Variants in AGO3 observed in about 807,000 individuals in gnomAD.
The protein encoded by AGO3 is protein argonaute-3.
AGO3 carries 16 observed loss-of-function variants against 105.5 expected under a neutral mutation model. That is an observed-to-expected ratio of 0.15 (90% CI 0.10 to 0.23). The LOEUF is 0.23. AGO3 is among the 10% of genes least tolerant of loss of function. The pLI is 1.00. For missense variants in AGO3, 534 were observed against 1,088.0 expected (o/e 0.49, Z 7.16); for synonymous variants, 340 against 367.3 (o/e 0.93, Z 0.85).
intron 5 of AGO3, among the ~76,000 whole-genome samples, chr1:35,976,690 G>C (rs1462934102): frequency 6.6e-6 from 1 of 152,138 alleles, no homozygotes; most frequent in Non-Finnish European, 1.5e-5. Context: ...CTATGGAGCT[G>C]ATGATGTGAT....
At chr1:36,013,555 AAG>A in intron 9 of AGO3, 73 bp from the exon 10 acceptor site, 1 of 1,563,312 alleles carries the variant, frequency 6.4e-7, no homozygotes, top group South Asian at 1.2e-5. Flanking sequence ...GAAGAAAAAA[AAG>A]AGGGTTCTAA....
chr1:35,940,587 G>GT (rs1646236104), intron 1 of AGO3, among the ~76,000 whole-genome samples: 1 of 152,040 alleles, frequency 6.6e-6, no homozygotes, highest in Non-Finnish European at 1.5e-5. Flanking sequence ...TAAACTGCTA[G>GT]TGGATCCAAG....
chr1:36,061,003 A>G lies in AGO3; in HGVS notation c.*5258A>G, dbSNP rs1329050010. The G allele has an allele frequency of 2.6e-5, 4 of 152,196 alleles. No homozygotes were observed. Among genetic ancestry groups the G allele is most frequent in the Non-Finnish European group, 5.9e-5 (4 of 68,036 alleles). 9.4% of individuals were successfully genotyped at this position (152,196 alleles called of 1,614,324 possible). A position where few individuals can be genotyped will look rare whatever the true frequency, so the allele number is the denominator to read the frequency against. ...CACTTTTGTGATTCTATAGGAGTCA[A>G]AAAATCAGCCAAGAGTAGGTAAGTC... On this transcript the variant is annotated 3_prime_UTR_variant, in exon 19 of 19. Coordinates refer to ENST00000373191, the MANE Select transcript of AGO3 (RefSeq NM_024852.4).
chr1:36,032,269 A>C (rs1293680832), intron 12 of AGO3, among the ~76,000 whole-genome samples: 1 of 152,152 alleles, frequency 6.6e-6, no homozygotes, highest in Non-Finnish European at 1.5e-5. Context: ...GTGAAGTGGT[A>C]TCTCATAATG....
At chr1:35,987,510 A>G (rs185474074) in intron 5 of AGO3, among the ~76,000 whole-genome samples, 194 of 152,074 alleles carry the variant, frequency 1.3e-3, no homozygotes, top group African/African-American at 4.2e-3. Context: ...AAGCAAAAGG[A>G]TATGTTATTA....
chr1:36,028,397 C>T (rs776204354), intron 12 of AGO3, among the ~76,000 whole-genome samples: 5 of 106,360 alleles, frequency 4.7e-5, no homozygotes, highest in Non-Finnish European at 9.3e-5. Flanking sequence ...TCCCTCCCCC[C>T]CCCCCACCCC....
At chr1:36,014,197 C>T (rs1640764383) in intron 11 of AGO3, 149 bp downstream of exon 11, 23 of 1,076,122 alleles carry the variant, frequency 2.1e-5, no homozygotes, top group Non-Finnish European at 3.0e-5. Flanking sequence ...CTCACTCTGT[C>T]ACCCAGGCTG....
intron 11 of AGO3, among the ~76,000 whole-genome samples, chr1:36,023,478 C>T: frequency 6.6e-6 from 1 of 152,198 alleles, no homozygotes; most frequent in East Asian, 1.9e-4. Context: ...GAGACTCTGG[C>T]ACTACCACAT....
intron 11 of AGO3, among the ~76,000 whole-genome samples, chr1:36,015,820 A>G (rs1329632169): frequency 6.6e-6 from 1 of 152,176 alleles, no homozygotes; most frequent in Non-Finnish European, 1.5e-5. Flanking sequence ...TTATTCTTCA[A>G]TGTTCACCTT....
intron 1 of AGO3, among the ~76,000 whole-genome samples, chr1:35,934,912 A>G (rs1646121901): frequency 6.6e-6 from 1 of 152,210 alleles, no homozygotes; most frequent in South Asian, 2.1e-4. Context: ...TCGGCCTCCC[A>G]GAAAACAATC....
chr1:35,965,084 G>A (rs1286795270), intron 2 of AGO3, among the ~76,000 whole-genome samples: 2 of 151,424 alleles, frequency 1.3e-5, no homozygotes, highest in Non-Finnish European at 2.9e-5. Context: ...ATTTGATTGG[G>A]TTTCCCAGAA....
intron 5 of AGO3, among the ~76,000 whole-genome samples, chr1:36,002,381 G>A (rs1401559225): frequency 6.9e-6 from 1 of 145,672 alleles, no homozygotes; most frequent in Non-Finnish European, 1.5e-5. Flanking sequence ...CCAGGGTGGA[G>A]TGCAGTGGCG....
intron 12 of AGO3, among the ~76,000 whole-genome samples, chr1:36,028,714 A>G (rs1417708731): frequency 6.6e-6 from 1 of 151,874 alleles, no homozygotes; most frequent in African/African-American, 2.4e-5. Flanking sequence ...ATACGTGTGC[A>G]TGTGTCTTTA....
chr1:36,027,059 T>A lies in AGO3; in HGVS notation c.1407-55T>A, dbSNP rs1557696436. ...CCTTCCCAAACTTCCCATTACTACT[T>A]TGTAGGAATTCATGACTAGACAAAG... On this transcript the variant is annotated intron_variant, in intron 11 of 18. Transcript: ENST00000373191. This position sits in a 1 kb window ranked among gnomAD's most constrained non-coding sequence, Gnocchi z 4.0. 28 of 1,537,206 alleles carry A rather than the reference T, an allele frequency of 1.8e-5. No homozygotes were observed. The highest frequency in any genetic ancestry group is 2.2e-5 in the Non-Finnish European group (25 of 1,136,302).
intron 2 of AGO3, among the ~76,000 whole-genome samples, chr1:35,960,438 T>G (rs1397922005): frequency 6.6e-6 from 1 of 152,058 alleles, no homozygotes; most frequent in Non-Finnish European, 1.5e-5. Context: ...TGTGATCACA[T>G]CACTGCACTC....
intron 5 of AGO3, among the ~76,000 whole-genome samples, chr1:35,996,125 G>T (rs1057107467): frequency 2.0e-5 from 3 of 151,724 alleles, no homozygotes; most frequent in African/African-American, 7.3e-5. Context: ...AATCGCTTGA[G>T]GCCAGGTGTT....
chr1:36,048,442 A>G (rs1051552246), intron 17 of AGO3, among the ~76,000 whole-genome samples: 1 of 152,204 alleles, frequency 6.6e-6, no homozygotes, highest in Non-Finnish European at 1.5e-5. Flanking sequence ...AGGGAGGCAA[A>G]AAGTCAATAA....
intron 15 of AGO3, 49 bp from the exon 16 acceptor site, chr1:36,040,258 A>T: frequency 1.3e-6 from 2 of 1,575,580 alleles, no homozygotes; most frequent in South Asian, 2.3e-5. Flanking sequence ...TGAAGTATAT[A>T]AAAACAAATA....
At chr1:35,973,592 AC>A in intron 5 of AGO3, 81 bp downstream of exon 5, 1 of 1,298,738 alleles carries the variant, frequency 7.7e-7, no homozygotes, top group Non-Finnish European at 1.0e-6. Context: ...ATATAATTAT[AC>A]ATACTGGTGT....
Sources: allele counts gnomAD v4.1 joint callset (sites outside exome capture counted in the v4.1 genomes callset), GRCh38; gene constraint gnomAD v4.1.1; non-coding constraint Gnocchi (gnomAD v3.1); transcripts MANE v1.5; gene names NCBI Gene and HGNC (gene_info 2026-07-23, HGNC 2026-07-21).